The following KCNN1 variants were observed in gnomAD, a reference collection of about 807,000 sequenced individuals.
The protein encoded by KCNN1 is potassium calcium-activated channel subfamily N member 1, also known as small conductance calcium-activated potassium channel protein 1.
In KCNN1, 20 loss-of-function variants were observed where a neutral mutation model predicts 44.7. The observed-to-expected ratio is 0.45, with a 90% confidence interval of 0.32 to 0.65. The LOEUF (loss-of-function observed/expected upper bound fraction) is 0.65. KCNN1 is among the 30% of genes least tolerant of loss of function. The pLI, the probability that KCNN1 is intolerant of heterozygous loss-of-function variation, is 0.05. For missense variants in KCNN1, 632 were observed against 785.3 expected, an observed-to-expected ratio of 0.80 and a Z score of 2.33; for synonymous variants, 324 against 341.7, an observed-to-expected ratio of 0.95 and a Z score of 0.57.
chr19:17,959,373 T>A (rs2031625602), intron 2 of KCNN1, among the ~76,000 whole-genome samples: 1 of 152,102 alleles, frequency 6.6e-6, no homozygotes, highest in East Asian at 1.9e-4. Flanking sequence ...ATTCTCTGCC[T>A]CAGGCTCCTG....
upstream of KCNN1, chr19:17,967,005 A>G (rs1048997638): frequency 6.7e-5 from 29 of 432,482 alleles, no homozygotes; most frequent in African/African-American, 6.2e-4. Flanking sequence ...ATCTTTAAAT[A>G]TGGGCGGGGC....
In KCNN1 at chr19:17,987,647, G is replaced by A. The variant is rs367951510; in HGVS notation, c.1060-768G>A. Among the ~76,000 whole-genome samples, 277 of 152,100 alleles carry A rather than the reference G, an allele frequency of 1.8e-3. 3 individuals are homozygous for A. Among genetic ancestry groups the A allele is most frequent in the Middle Eastern group, 0.017 (5 of 294 alleles). On this transcript the variant is annotated intron_variant, in intron 5 of 9. Coordinates refer to ENST00000684775, the MANE Select transcript of KCNN1 (RefSeq NM_001386974.1). The stretch of plus-strand genomic sequence containing the variant: ...AACCGAGACAGGGTTTCCTCCGGGA[G>A]CCCCTGCTTGTGCTCTAGGCCAACC...
chr19:17,986,765 G>A (rs2032612655), intron 5 of KCNN1, among the ~76,000 whole-genome samples: 1 of 152,122 alleles, frequency 6.6e-6, no homozygotes, highest in Admixed American at 6.6e-5. Context: ...CCAAGGTGCT[G>A]GAGTTACAGG....
At chr19:17,980,593 C>T (rs111384885) in intron 3 of KCNN1, among the ~76,000 whole-genome samples, 7 of 152,166 alleles carry the variant, frequency 4.6e-5, no homozygotes, top group South Asian at 2.1e-4. Context: ...TACGAGGTCA[C>T]GTTTCTGACT....
chr19:17,992,922 C>T, intron 7 of KCNN1, 132 bp from the exon 8 acceptor site: 1 of 1,148,060 alleles, frequency 8.7e-7, no homozygotes, highest in Non-Finnish European at 1.3e-6. Context: ...GCCCCTCGGC[C>T]ATCTGGGAAC....
rs1189088116 is a variant in KCNN1, at chr19:17,983,651, G to C, written c.917+1524G>C. On this transcript the variant is annotated intron_variant, in intron 4 of 9. Coordinates refer to ENST00000684775, the MANE Select transcript of KCNN1 (RefSeq NM_001386974.1). This position sits in a 1 kb window ranked among gnomAD's most constrained non-coding sequence, Gnocchi z 4.5. ...GCCAATCCTAAATTCTGAGCCTGGC[G>C]ACAATGCTTGAAGCCCCCTTGCCTG... 1.3e-5 allele frequency among the ~76,000 whole-genome samples: 2 copies of C among 152,046 alleles called. No individual in the cohort carries two copies. The highest frequency in any genetic ancestry group is 2.9e-5 in the Non-Finnish European group (2 of 67,976).
intron 1 of KCNN1, among the ~76,000 whole-genome samples, chr19:17,971,081 G>A (rs935135277): frequency 6.6e-6 from 1 of 151,594 alleles, no homozygotes; most frequent in African/African-American, 2.4e-5. Flanking sequence ...ACAGGATTTC[G>A]CCATGTTGGC....
intron 2 of KCNN1, among the ~76,000 whole-genome samples, chr19:17,955,298 C>T (rs565601395): frequency 2.7e-5 from 4 of 150,528 alleles, no homozygotes; most frequent in Middle Eastern, 3.4e-3. Flanking sequence ...TGGTGGCTTA[C>T]GCTTGTAATC....
rs1298141614 is a variant in KCNN1, at chr19:17,988,454, C to G, written c.1099C>G (p.Arg367Gly). The change falls in exon 6 of 10, where the codon CGG (arginine) becomes GGG (glycine). Residue 367 changes from arginine to glycine, a missense_variant. By Grantham distance (125) the Arg-to-Gly change is moderately radical (BLOSUM62 -2). This residue lies in a region of KCNN1 where 237 missense variants were observed against 253.0 expected (regional missense o/e 0.94). Transcript: ENST00000684775. ...CGCGCTCGTGGTGGCTGTGGTGGCT[C>G]GGAAGCTGGAGCTCACCAAGGCTGA... ...CTALVVAVVA[R>G]KLELTKAEKH... 6.2e-6 allele frequency: 10 copies of G among 1,613,242 alleles called. No individual in the cohort carries two copies. The highest frequency in any genetic ancestry group is 8.5e-6 in the Non-Finnish European group (10 of 1,179,842).
chr19:17,985,761 T>C (rs935803266), intron 5 of KCNN1, among the ~76,000 whole-genome samples: 1 of 152,208 alleles, frequency 6.6e-6, no homozygotes, highest in African/African-American at 2.4e-5. Flanking sequence ...CTGTCACCCC[T>C]TTATTCTCTA....
intron 1 of KCNN1, among the ~76,000 whole-genome samples, chr19:17,971,350 T>C (rs2032016890): frequency 6.8e-6 from 1 of 146,972 alleles, no homozygotes; most frequent in Admixed American, 6.7e-5. Flanking sequence ...TCAAAGGGGA[T>C]AACACTTGGC....
At chr19:17,965,685 G>A (rs2031785160), upstream of KCNN1, among the ~76,000 whole-genome samples, 1 of 152,048 alleles carries the variant, frequency 6.6e-6, no homozygotes, top group Admixed American at 6.6e-5. Flanking sequence ...TTCTTGCTCT[G>A]CAGTGACTCT....
At chr19:17,954,120 A>T (rs1188969981) in intron 1 of KCNN1, among the ~76,000 whole-genome samples, 1 of 152,186 alleles carries the variant, frequency 6.6e-6, no homozygotes, top group African/African-American at 2.4e-5. Flanking sequence ...GGAGTGATAA[A>T]GCCACTGTTC....
intron 2 of KCNN1, among the ~76,000 whole-genome samples, chr19:17,961,611 T>G (rs1236241903): frequency 1.4e-5 from 2 of 143,874 alleles, no homozygotes; most frequent in Non-Finnish European, 3.0e-5. Flanking sequence ...AGACGGAGTC[T>G]TGCTTTGTTG....
chr19:17,969,221 C>T (rs1042953381), intron 1 of KCNN1, among the ~76,000 whole-genome samples: 8 of 152,092 alleles, frequency 5.3e-5, no homozygotes, highest in African/African-American at 1.4e-4. Context: ...GGCTTCTCGA[C>T]GGCAGGACCA....
chr19:17,979,078 A>G (rs988510360), intron 3 of KCNN1, among the ~76,000 whole-genome samples: 4 of 150,476 alleles, frequency 2.7e-5, no homozygotes, highest in African/African-American at 9.8e-5. Context: ...AAAACAAAAC[A>G]AAACAAACAA....
At position 17,998,875 on chromosome 19, in the gene KCNN1, T is replaced by G. The variant is rs950209504; in HGVS notation, c.*469T>G. ...TCTCTCCCTCTGGGCTGGAGCTCAGTGAGGGACAACTCTCTAGGGACACCT... is the reference window on the plus strand; with the variant it reads ...TCTCTCCCTCTGGGCTGGAGCTCAGGGAGGGACAACTCTCTAGGGACACCT... On this transcript the variant is annotated 3_prime_UTR_variant, in exon 10 of 10. Coordinates refer to ENST00000684775, the MANE Select transcript of KCNN1 (RefSeq NM_001386974.1). This position sits in a 1 kb window ranked among gnomAD's most constrained non-coding sequence, Gnocchi z 5.4. 1 of 154,036 alleles carries G rather than the reference T, an allele frequency of 6.5e-6. No homozygotes were observed. The highest frequency in any genetic ancestry group is 1.4e-5 in the Non-Finnish European group (1 of 69,296). 9.5% of individuals were successfully genotyped at this position (154,036 alleles called of 1,614,324 possible). A position where few individuals can be genotyped will look rare whatever the true frequency, so the allele number is the denominator to read the frequency against.
In KCNN1 at chr19:17,993,319, G is replaced by A. The variant is rs183963691; in HGVS notation, c.1308-171G>A. Among the ~76,000 whole-genome samples the A allele has an allele frequency of 6.5e-4, 99 of 152,258 alleles. No individual in the cohort carries two copies. Among genetic ancestry groups the A allele is most frequent in the African/African-American group, 2.3e-3 (94 of 41,552 alleles). ...GCTGACTTCTGGCCCTGGCGCACCGGCTGTGTACTGGGAGGGAATAGACTA... is the reference window on the plus strand; with the variant it reads ...GCTGACTTCTGGCCCTGGCGCACCGACTGTGTACTGGGAGGGAATAGACTA... On this transcript the variant is annotated intron_variant, in intron 8 of 9. Transcript: ENST00000684775. The surrounding 1 kb of genome is among the most constrained non-coding windows in gnomAD (Gnocchi z 4.5).
At position 17,998,337 on chromosome 19, in the gene KCNN1, C is replaced by A. The variant is rs1328445904; in HGVS notation, c.1563C>A (p.Gly521=). The A allele has an allele frequency of 8.5e-6, 13 of 1,529,426 alleles. No individual in the cohort carries two copies. The highest frequency in any genetic ancestry group is 2.4e-5 in the South Asian group (2 of 83,478). The allele number at this position is 1,529,426 out of a possible 1,614,324, so 94.7% of individuals were successfully genotyped here. A position where few individuals can be genotyped will look rare whatever the true frequency, so the allele number is the denominator to read the frequency against. ...CCCTGCCTCCCAGGCCCGGCCCCGGCCCCCAAGACCAGGCAGCCCGGAGCT... is the reference window on the plus strand; with the variant it reads ...CCCTGCCTCCCAGGCCCGGCCCCGGACCCCAAGACCAGGCAGCCCGGAGCT... The part of the protein sequence containing the change: ...PPPLPPRPGP[G]PQDQAARSSP... Residue 521 remains glycine, a synonymous_variant, in exon 10 of 10, where the codon GGC becomes GGA. Coordinates refer to ENST00000684775, the MANE Select transcript of KCNN1 (RefSeq NM_001386974.1). This position sits in a 1 kb window ranked among gnomAD's most constrained non-coding sequence, Gnocchi z 5.4.
Sources: allele counts gnomAD v4.1 joint callset (sites outside exome capture counted in the v4.1 genomes callset), GRCh38; gene constraint gnomAD v4.1.1; regional missense constraint gnomAD v4.1.1; non-coding constraint Gnocchi (gnomAD v3.1); transcripts MANE v1.5; gene names NCBI Gene and HGNC (gene_info 2026-07-23, HGNC 2026-07-21).